ITIH6: variants seen among roughly 807,000 people sequenced by gnomAD.
ITIH6 encodes the protein inter-alpha-trypsin inhibitor heavy chain family member 6, also known as inter-alpha-trypsin inhibitor heavy chain H6.
In ITIH6, 60 loss-of-function variants were observed where a neutral mutation model predicts 58.2. The observed-to-expected ratio is 1.03, with a 90% CI of 0.84 to 1.28. ITIH6 has a LOEUF of 1.28. Ranked by LOEUF, ITIH6 falls within the 50% of genes most tolerant of loss-of-function variation. The pLI is 0.00. For missense variants in ITIH6, 1,290 were observed against 1,021.1 expected (o/e 1.26, Z -3.59); for synonymous variants, 493 against 417.4 (o/e 1.18, Z -2.21).
intron 9 of ITIH6, 62 bp from the exon 10 acceptor site, chrX:54,754,027 G>T: frequency 9.0e-7 from 1 of 1,106,654 alleles, no homozygotes; most frequent in Non-Finnish European, 1.2e-6. Context: ...TAGGAATTCT[G>T]GGACATACTC....
intron 11 of ITIH6, 111 bp from the exon 12 acceptor site, chrX:54,751,491 C>T (rs1316219293): frequency 2.2e-6 from 2 of 895,932 alleles, no homozygotes; most frequent in East Asian, 6.3e-5. Context: ...AGAGGGCCGA[C>T]TCCTGAGAGA....
chrX:54,763,885 TC>T (rs1928709549), intron 6 of ITIH6, among the ~76,000 whole-genome samples: 1 of 112,369 alleles, frequency 8.9e-6, no homozygotes. Context: ...TTGTTTGTCT[TC>T]TTGGAGAATT....
chrX:54,755,761 G>C (rs1357770543), intron 8 of ITIH6, among the ~76,000 whole-genome samples: 1 of 110,842 alleles, frequency 9.0e-6, no homozygotes, highest in African/African-American at 3.3e-5. Context: ...GAATGGGTGG[G>C]AGAGAGTGAG....
intron 6 of ITIH6, among the ~76,000 whole-genome samples, chrX:54,764,485 C>T (rs1928725656): frequency 9.3e-6 from 1 of 107,468 alleles, no homozygotes; most frequent in Non-Finnish European, 1.9e-5. Context: ...GTTCAATTCC[C>T]ACCTATGAGT....
Position 54,798,127 on chromosome X carries a change from G to A in ITIH6, c.84C>T (p.Pro28=), listed in dbSNP as rs757550917. ...LELTYQGPPV[P]ASSSTKLLMT... is the part of the protein sequence containing the mutation. ...AACTGACCTTTGTGCTTGATGAAGC[G>A]GGGACAGGGGGTCCCTGGTATGTCA... The change falls in exon 1 of 13, where the codon CCC becomes CCT. Residue 28 remains proline (P), a synonymous_variant. Transcript: ENST00000218436. 1.3e-5 allele frequency: 15 copies of A among 1,181,955 alleles called. No individual in the cohort carries two copies. The highest frequency in any genetic ancestry group is 1.1e-4 in the African/African-American group (6 of 55,930).
intron 4 of ITIH6, among the ~76,000 whole-genome samples, chrX:54,789,095 T>C (rs73212563): frequency 6.3e-5 from 7 of 111,935 alleles, no homozygotes; most frequent in Admixed American, 2.8e-4. Flanking sequence ...CTCCTCTCAT[T>C]CCCCCACTGC....
At position 54,758,957 on chromosome X, in the gene ITIH6, G is replaced by T; in HGVS notation, c.1117C>A (p.Leu373Met). 1 of 1,186,598 alleles carries T rather than the reference G, an allele frequency of 8.4e-7. No individual in the cohort carries two copies. The highest frequency in any genetic ancestry group is 1.7e-5 in the African/African-American group (1 of 57,181). The change falls in exon 8 of 13, where the codon CTG (leucine) becomes ATG (methionine). Residue 373 changes from leucine (L) to methionine (M), a missense_variant. Transcript: ENST00000218436. ...CCAGGCTCCTGGTTGCTATGGTTCA[G>T]CACTGAAGCAGCTGCCAGCAGAGCT... ...NSALLAAASV[L>M]NHSNQEPGRG...
chrX:54,788,674 CG>C (rs1569544318), intron 4 of ITIH6, 25 bp from the exon 5 acceptor site: 6 of 1,149,687 alleles, frequency 5.2e-6, no homozygotes, highest in Non-Finnish European at 7.1e-6. Context: ...AGGATCGGGG[CG>C]GGGTGGTACA....
chrX:54,760,259 C>T (rs756879859), intron 6 of ITIH6, among the ~76,000 whole-genome samples: 12 of 111,701 alleles, frequency 1.1e-4, no homozygotes, highest in Non-Finnish European at 1.9e-4. Context: ...TTGCCAGTGG[C>T]TACTATATTA....
At chrX:54,750,892 A>G in intron 12 of ITIH6, 111 bp downstream of exon 12, 2 of 799,921 alleles carry the variant, frequency 2.5e-6, no homozygotes, top group South Asian at 5.8e-5. Flanking sequence ...CCAAGGGAAG[A>G]GTCTGTTGCT....
intron 5 of ITIH6, among the ~76,000 whole-genome samples, chrX:54,775,542 C>T (rs1235019898): frequency 1.8e-5 from 2 of 111,594 alleles, no homozygotes; most frequent in Non-Finnish European, 3.8e-5. Context: ...AGTGCCCAGC[C>T]CCTCCAGTAC....
At chrX:54,788,782 C>G (rs1235951408) in intron 4 of ITIH6, 133 bp from the exon 5 acceptor site, 1 of 494,980 alleles carries the variant, frequency 2.0e-6, no homozygotes, top group Non-Finnish European at 3.5e-6. Context: ...CCTCTGGTGC[C>G]TCCTGCCTAC....
intron 5 of ITIH6, among the ~76,000 whole-genome samples, chrX:54,776,683 A>G (rs1423052873): frequency 9.0e-6 from 1 of 110,791 alleles, no homozygotes; most frequent in African/African-American, 3.3e-5. Context: ...ACATTTCTAG[A>G]CACACCCTGG....
chrX:54,758,767 G>A lies in ITIH6; in HGVS notation c.1307C>T (p.Thr436Ile). 1.7e-6 allele frequency: 2 copies of A among 1,210,239 alleles called. No individual in the cohort carries two copies. The highest frequency in any genetic ancestry group is 2.2e-6 in the Non-Finnish European group (2 of 894,446). ...SLAFGDDADF[T>I]LLRRLSLENR... is the part of the protein sequence containing the mutation. Reference sequence around the variant, plus strand: ...TTCCAGGGACAGGCGGCGCAGCAGTGTAAAGTCAGCATCATCCCCAAAGGC... The same window carrying A: ...TTCCAGGGACAGGCGGCGCAGCAGTATAAAGTCAGCATCATCCCCAAAGGC... The change falls in exon 8 of 13, where the codon ACA (threonine) becomes ATA (isoleucine). Residue 436 changes from threonine (T) to isoleucine (I), a missense_variant. Transcript: ENST00000218436.
intron 8 of ITIH6, among the ~76,000 whole-genome samples, chrX:54,755,972 G>A (rs1374690567): frequency 8.9e-6 from 1 of 111,844 alleles, no homozygotes; most frequent in African/African-American, 3.3e-5. Flanking sequence ...AGGAAGCAGG[G>A]AAACCAGTGA....
intron 4 of ITIH6, 132 bp downstream of exon 4, chrX:54,790,705 C>T: frequency 5.9e-6 from 5 of 853,401 alleles, no homozygotes; most frequent in East Asian, 3.2e-5. Context: ...GCCCTCTTCT[C>T]ACTGAATCAG....
Position 54,788,565 on chromosome X carries a change from T to A in ITIH6, c.701A>T (p.Gln234Leu). ...RITYCPTLQD[Q>L]SSISGSGIMA... ...GATGCCTGACCCAGAGATGGACGAC[T>A]GGTCTTGCAATGTCGGGCAGTAGGT... The change falls in exon 5 of 13, where the codon CAG becomes CTG. Residue 234 changes from glutamine (Q) to leucine (L), a missense_variant. Coordinates refer to ENST00000218436, the MANE Select transcript of ITIH6 (RefSeq NM_198510.3). The A allele has an allele frequency of 2.5e-6, 3 of 1,209,645 alleles. No individual in the cohort carries two copies. The highest frequency in any genetic ancestry group is 3.4e-6 in the Non-Finnish European group (3 of 893,926).
At chrX:54,787,541 T>A (rs1929264644) in intron 5 of ITIH6, 1 of 111,313 alleles carries the variant, frequency 9.0e-6, no homozygotes, top group South Asian at 3.8e-4. Context: ...TTCTGAGTTG[T>A]CAGAGTCAAT....
intron 2 of ITIH6, among the ~76,000 whole-genome samples, chrX:54,794,624 A>G (rs371663659): frequency 9.0e-6 from 1 of 110,538 alleles, no homozygotes; most frequent in Non-Finnish European, 1.9e-5. Context: ...CTCTAACCCA[A>G]TCCTTCTCCA....
Sources: gnomAD v4.1 joint callset for allele counts (sites outside exome capture counted in the v4.1 genomes callset) on GRCh38, gnomAD v4.1.1 for gene constraint, MANE v1.5 for transcripts, NCBI Gene and HGNC (gene_info 2026-07-23, HGNC 2026-07-21) for gene names.